XCR1: variants seen among roughly 807,000 people sequenced by gnomAD.
The protein encoded by XCR1 is chemokine XC receptor 1.
For synonymous variants in XCR1, 187 were observed against 188.5 expected (o/e 0.99, Z 0.06); for missense variants, 356 against 424.2 (o/e 0.84, Z 1.41).
At chr3:46,067,093 G>A (rs1698090836) in intron 3 of XCR1, among the ~76,000 whole-genome samples, 1 of 152,190 alleles carries the variant, frequency 6.6e-6, no homozygotes, top group South Asian at 2.1e-4. Flanking sequence ...TCACAGCTGG[G>A]CATAGCATAC....
At chr3:46,064,950 G>A (rs1476275521) in intron 4 of XCR1, among the ~76,000 whole-genome samples, 1 of 152,152 alleles carries the variant, frequency 6.6e-6, no homozygotes, top group Non-Finnish European at 1.5e-5. Flanking sequence ...GATTAGCCGG[G>A]TGTGGTGGCG....
intron 2 of XCR1, among the ~76,000 whole-genome samples, chr3:46,075,346 C>G (rs1038810324): frequency 8.6e-6 from 1 of 116,936 alleles, no homozygotes; most frequent in Non-Finnish European, 1.8e-5. Flanking sequence ...AAAATCAAAA[C>G]CAAGAAACCT....
At chr3:46,023,597 C>T in intron 1 of XCR1, 1 of 1,383,200 alleles carries the variant, frequency 7.2e-7, no homozygotes, top group Non-Finnish European at 1.0e-6. Flanking sequence ...CTTCAGGCAT[C>T]TCACAAACTC....
At position 46,021,414 on chromosome 3, in the gene XCR1, G is replaced by A. The variant is rs148266059; in HGVS notation, c.534C>T (p.Ser178=). The change falls in exon 2 of 2, where the codon TCC becomes TCT. Residue 178 remains serine, a synonymous_variant. Coordinates refer to ENST00000309285, the MANE Select transcript of XCR1 (RefSeq NM_001024644.2). The surrounding 1 kb of genome is among the most constrained non-coding windows in gnomAD (Gnocchi z 4.7). The part of the protein sequence containing the change: ...HKVLSSGCDY[S]ELTWYLTSVY... ...CGGAGGTGAGGTACCACGTGAGTTCGGAATAATCACAGCCCGAAGAAAGCA... is the reference window on the plus strand; with the variant it reads ...CGGAGGTGAGGTACCACGTGAGTTCAGAATAATCACAGCCCGAAGAAAGCA... 222 of 1,614,146 alleles carry A rather than the reference G, an allele frequency of 1.4e-4. 2 individuals are homozygous for A. In the African/African-American group the frequency reaches 2.2e-3, roughly 16 times the overall value.
chr3:46,021,680 G>C lies in XCR1; in HGVS notation c.268C>G (p.Pro90Ala), dbSNP rs773319676. Residue 90 changes from proline (P) to alanine (A), a missense_variant, in exon 2 of 2, where the codon CCA becomes GCA. Transcript: ENST00000309285. This position sits in a 1 kb window ranked among gnomAD's most constrained non-coding sequence, Gnocchi z 4.7. ...FACLLPVWIS[P>A]YHWGWVLGDF... The stretch of plus-strand genomic sequence containing the variant: ...CCCAGCACCCAGCCCCAGTGGTATG[G>C]GGAGATCCACACAGGCAACAAGCAG... 6.2e-7 allele frequency: 1 copy of C among 1,605,342 alleles called. No individual in the cohort carries two copies. Among genetic ancestry groups the C allele is most frequent in the East Asian group, 2.3e-5 (1 of 44,442 alleles).
At chr3:46,058,648 A>G (rs13059919) in intron 4 of XCR1, among the ~76,000 whole-genome samples, 49,590 of 152,114 alleles carry the variant, frequency 0.33, 9,987 homozygotes, top group East Asian at 0.66. Context: ...CCTGGGCTCA[A>G]GCGATCCTCC....
intron 4 of XCR1, among the ~76,000 whole-genome samples, chr3:46,065,204 C>T (rs1339924360): frequency 6.6e-6 from 1 of 152,168 alleles, no homozygotes; most frequent in Non-Finnish European, 1.5e-5. Flanking sequence ...TTCTTTTAAG[C>T]CTCTACATTT....
intron 5 of XCR1, among the ~76,000 whole-genome samples, chr3:46,034,647 A>G (rs1697385668): frequency 2.0e-5 from 3 of 152,194 alleles, no homozygotes; most frequent in Non-Finnish European, 4.4e-5. Flanking sequence ...ACGTGCATAT[A>G]TTGCATAATG....
intron 4 of XCR1, among the ~76,000 whole-genome samples, chr3:46,064,122 C>T (rs1395855655): frequency 6.6e-6 from 1 of 152,204 alleles, no homozygotes; most frequent in Non-Finnish European, 1.5e-5. Flanking sequence ...ATCCTCCCAC[C>T]TTGGCCTCCC....
chr3:46,085,212 A>T (rs1319914792), intron 1 of XCR1, among the ~76,000 whole-genome samples: 2 of 43,288 alleles, frequency 4.6e-5, no homozygotes, highest in East Asian at 1.9e-3. Flanking sequence ...ATATATTATT[A>T]AAAAAAAAAA....
At chr3:46,031,337 C>T (rs1708391850), upstream of XCR1, among the ~76,000 whole-genome samples, 1 of 152,242 alleles carries the variant, frequency 6.6e-6, no homozygotes, top group African/African-American at 2.4e-5. Context: ...TGCTGTTTGG[C>T]TTCTCCCCAC....
intron 1 of XCR1, chr3:46,023,429 T>G: frequency 6.7e-7 from 1 of 1,483,566 alleles, no homozygotes; most frequent in South Asian, 1.1e-5. Flanking sequence ...TCTGAAGCCA[T>G]GAAGCTGACA....
chr3:46,037,776 G>A lies in XCR1; in HGVS notation c.-31-15798C>T, dbSNP rs191634964. ...TTATAAAGAAATATACTGTCAGTTTGGCAATTCTTTTTTAATACAATTAAC... is the reference window on the plus strand; with the variant it reads ...TTATAAAGAAATATACTGTCAGTTTAGCAATTCTTTTTTAATACAATTAAC... On this transcript the variant is annotated intron_variant, in intron 5 of 5. Coordinates refer to the XCR1 transcript ENST00000683768. Among the ~76,000 whole-genome samples, 309 of 152,200 alleles carry A rather than the reference G, an allele frequency of 2.0e-3. 1 individual carries two copies. The highest frequency in any genetic ancestry group is 7.2e-3 in the African/African-American group (300 of 41,536).
chr3:46,060,483 GCAC>G (rs1697939639), intron 4 of XCR1, among the ~76,000 whole-genome samples: 1 of 152,114 alleles, frequency 6.6e-6, no homozygotes, highest in Non-Finnish European at 1.5e-5. Context: ...AACCAACACA[GCAC>G]TCCCTTATTT....
intron 5 of XCR1, among the ~76,000 whole-genome samples, chr3:46,049,186 A>C (rs966542195): frequency 2.0e-5 from 3 of 152,222 alleles, no homozygotes; most frequent in Non-Finnish European, 2.9e-5. Context: ...TCCATTTGCC[A>C]AATTTCATTT....
intron 3 of XCR1, among the ~76,000 whole-genome samples, chr3:46,068,655 A>AT (rs1424077135): frequency 1.3e-5 from 2 of 151,934 alleles, no homozygotes; most frequent in African/African-American, 4.8e-5. Flanking sequence ...CCAACCTGAT[A>AT]TTTTTTCTTC....
At chr3:46,083,782 G>C (rs1698420703) in intron 1 of XCR1, among the ~76,000 whole-genome samples, 1 of 152,184 alleles carries the variant, frequency 6.6e-6, no homozygotes, top group African/African-American at 2.4e-5. Flanking sequence ...ACCTCTTGTT[G>C]TATATACATA....
intron 5 of XCR1, among the ~76,000 whole-genome samples, chr3:46,051,332 T>A (rs1233009005): frequency 6.6e-6 from 1 of 152,184 alleles, no homozygotes; most frequent in East Asian, 1.9e-4. Flanking sequence ...ATAGCTATAT[T>A]TGTGACATAA....
chr3:46,043,472 A>T (rs766909095), intron 5 of XCR1, among the ~76,000 whole-genome samples: 9 of 151,992 alleles, frequency 5.9e-5, no homozygotes, highest in Non-Finnish European at 1.3e-4. Flanking sequence ...ACAAAAAAGT[A>T]TGACTAAGAA....
Sources: gnomAD v4.1 joint callset for allele counts (sites outside exome capture counted in the v4.1 genomes callset) on GRCh38, gnomAD v4.1.1 for gene constraint, Gnocchi (gnomAD v3.1) non-coding constraint, MANE v1.5 for transcripts, NCBI Gene and HGNC (gene_info 2026-07-23, HGNC 2026-07-21) for gene names.